The following FAM184B variants were observed in gnomAD, a reference collection of about 807,000 sequenced individuals.
FAM184B encodes the protein protein FAM184B.
In FAM184B, 111 loss-of-function variants were observed where a neutral mutation model predicts 135.9. That is an observed-to-expected ratio of 0.82 (90% CI 0.70 to 0.96). The LOEUF (loss-of-function observed/expected upper bound fraction) is 0.96, where lower values mean the gene tolerates loss of function less well. Among genes scored for constraint, FAM184B ranks in the 40% least tolerant of loss-of-function variants. The pLI, the probability that FAM184B is intolerant of heterozygous loss-of-function variation, is 0.00. For synonymous variants in FAM184B, 552 were observed against 524.8 expected (o/e 1.05, Z -0.71); for missense variants, 1,375 against 1,323.9 (o/e 1.04, Z -0.60).
Position 17,636,529 on chromosome 4 carries a change from G to C in FAM184B, c.2783C>G (p.Thr928Arg). Residue 928 changes from threonine to arginine, a missense_variant and splice_region_variant, in exon 15 of 18, where the codon ACG (threonine) becomes AGG (arginine). Thr to Arg is a moderately conservative substitution (Grantham distance 71). Transcript: ENST00000265018. ...KEREDIIKQLTEERRFHYAAF... is the reference protein window; with the variant it reads ...KEREDIIKQLREERRFHYAAF... Reference sequence around the variant, plus strand: ...TGAGGCGCCCCCTGACAGCCTCACCGTGAGCTGCTTGATGATGTCCTCTCT... The same window carrying C: ...TGAGGCGCCCCCTGACAGCCTCACCCTGAGCTGCTTGATGATGTCCTCTCT... 1.3e-6 allele frequency: 2 copies of C among 1,550,008 alleles called. No homozygotes were observed. The highest frequency in any genetic ancestry group is 1.7e-6 in the Non-Finnish European group (2 of 1,146,584).
At chr4:17,732,799 C>T (rs534041650) in intron 1 of FAM184B, among the ~76,000 whole-genome samples, 1 of 152,202 alleles carries the variant, frequency 6.6e-6, no homozygotes, top group East Asian at 1.9e-4. Context: ...CTATTCCAAT[C>T]AATAGAAAAA....
chr4:17,735,586 C>T (rs1717888424), intron 1 of FAM184B, among the ~76,000 whole-genome samples: 1 of 151,612 alleles, frequency 6.6e-6, no homozygotes, highest in Non-Finnish European at 1.5e-5. Flanking sequence ...TTCCTTAGAC[C>T]CCTGTCATTG....
intron 1 of FAM184B, among the ~76,000 whole-genome samples, chr4:17,779,165 AAC>A (rs1454970928): frequency 6.6e-6 from 1 of 152,356 alleles, no homozygotes; most frequent in African/African-American, 2.4e-5. Flanking sequence ...GTAAATGAAA[AAC>A]ACAAGATCTG....
At chr4:17,700,808 C>T (rs990980897) in intron 5 of FAM184B, among the ~76,000 whole-genome samples, 10 of 151,858 alleles carry the variant, frequency 6.6e-5, no homozygotes, top group African/African-American at 2.4e-4. Context: ...CACAGGGGAA[C>T]CAAATTAGAA....
intron 9 of FAM184B, among the ~76,000 whole-genome samples, chr4:17,659,631 C>T (rs537084998): frequency 3.0e-4 from 45 of 152,198 alleles, no homozygotes; most frequent in African/African-American, 1.0e-3. Flanking sequence ...GGATTACAGG[C>T]GCCCGCCACA....
intron 7 of FAM184B, among the ~76,000 whole-genome samples, chr4:17,669,821 C>T (rs191474205): frequency 9.9e-5 from 15 of 152,206 alleles, no homozygotes; most frequent in East Asian, 7.7e-4. Context: ...GAGGAAGATT[C>T]GAACAAGATC....
chr4:17,680,694 G>A (rs539774966), intron 7 of FAM184B, among the ~76,000 whole-genome samples: 7 of 152,222 alleles, frequency 4.6e-5, no homozygotes, highest in Non-Finnish European at 8.8e-5. Flanking sequence ...TAGTGTGCAC[G>A]GAAAAATAAA....
At chr4:17,704,975 C>G in intron 5 of FAM184B, 25 bp downstream of exon 5, 1 of 1,540,098 alleles carries the variant, frequency 6.5e-7, no homozygotes, top group Admixed American at 2.0e-5. Context: ...AGAACCAGAA[C>G]AGTCTCTATG....
intron 1 of FAM184B, among the ~76,000 whole-genome samples, chr4:17,751,306 C>CAAAA (rs71167334): frequency 4.4e-5 from 4 of 91,770 alleles, no homozygotes; most frequent in African/African-American, 9.0e-5. Context: ...GACTCTGTCT[C>CAAAA]AAAAAAAAAA....
chr4:17,729,350 G>A (rs1193503221), intron 1 of FAM184B, among the ~76,000 whole-genome samples: 1 of 152,222 alleles, frequency 6.6e-6, no homozygotes, highest in Non-Finnish European at 1.5e-5. Flanking sequence ...AAAGACAGCA[G>A]TAACCTCTGC....
chr4:17,632,605 G>T lies in FAM184B; in HGVS notation c.3110C>A (p.Ala1037Asp). 1 of 1,550,764 alleles carries T rather than the reference G, an allele frequency of 6.4e-7. No homozygotes were observed. The highest frequency in any genetic ancestry group is 8.7e-7 in the Non-Finnish European group (1 of 1,146,606). Residue 1037 changes from alanine (A) to aspartate (D), a missense_variant, in exon 18 of 18, where the codon GCC becomes GAC. Physicochemically the swap from Ala to Asp is moderately radical, Grantham distance 126 (BLOSUM62 -2). Coordinates refer to ENST00000265018, the MANE Select transcript of FAM184B (RefSeq NM_015688.2). ...TATRTPDGET[A>D]QAKEVQQKQG... Reference sequence around the variant, plus strand: ...TTTCTGCTGGACTTCTTTGGCTTGGGCCGTTTCACCATCTGGGGTCCTAAA... The same window carrying T: ...TTTCTGCTGGACTTCTTTGGCTTGGTCCGTTTCACCATCTGGGGTCCTAAA...
chr4:17,735,640 T>C (rs150349247), intron 1 of FAM184B, among the ~76,000 whole-genome samples: 127 of 150,076 alleles, frequency 8.5e-4, no homozygotes, highest in Non-Finnish European at 1.4e-3. Context: ...GGATGACAAA[T>C]ATGAAAAAGA....
chr4:17,761,031 G>A (rs1322493694), intron 1 of FAM184B, among the ~76,000 whole-genome samples: 3 of 152,212 alleles, frequency 2.0e-5, no homozygotes, highest in African/African-American at 7.2e-5. Flanking sequence ...GACATTTTTA[G>A]TTGAGGCCAG....
chr4:17,663,864 C>T (rs1715982618), intron 8 of FAM184B, among the ~76,000 whole-genome samples: 1 of 152,124 alleles, frequency 6.6e-6, no homozygotes. Flanking sequence ...AGTGAGTTTT[C>T]ATGAAATCTG....
chr4:17,759,539 G>A (rs1718496246), intron 1 of FAM184B, among the ~76,000 whole-genome samples: 1 of 151,466 alleles, frequency 6.6e-6, no homozygotes, highest in African/African-American at 2.4e-5. Flanking sequence ...GTTTTGCTCT[G>A]TCACCCAGGC....
chr4:17,688,590 G>T, intron 6 of FAM184B, 59 bp from the exon 7 acceptor site: 1 of 1,205,912 alleles, frequency 8.3e-7, no homozygotes, highest in East Asian at 3.1e-5. Flanking sequence ...CCTCGATACA[G>T]TCATTCATCC....
rs1394107166 is a variant in FAM184B, at chr4:17,658,576, A to G, written c.1825-14T>C. 1.9e-6 allele frequency: 3 copies of G among 1,548,692 alleles called. No individual in the cohort carries two copies. In the East Asian group the frequency reaches 7.3e-5, roughly 38 times the overall value. On this transcript the variant is annotated splice_polypyrimidine_tract_variant and intron_variant, in intron 9 of 17. Coordinates refer to ENST00000265018, the MANE Select transcript of FAM184B (RefSeq NM_015688.2). ...CATCTGTGAGACCTGCGCACAAGGC[A>G]TCCTGCCCTCAGTCTAAGCCCCTTG...
chr4:17,670,156 A>T (rs1716138443), intron 7 of FAM184B, among the ~76,000 whole-genome samples: 1 of 152,238 alleles, frequency 6.6e-6, no homozygotes, highest in Admixed American at 6.5e-5. Flanking sequence ...ACATACACTT[A>T]GACGGAAATT....
chr4:17,707,804 C>T lies in FAM184B; in HGVS notation c.895-20G>A. On this transcript the variant is annotated intron_variant, in intron 2 of 17. Coordinates refer to ENST00000265018, the MANE Select transcript of FAM184B (RefSeq NM_015688.2). ...CAGGTCCTAAACAGACAGGAAGGGT[C>T]CCATTTCTCTGGTTATAGCTCTGTA... is the stretch of plus-strand genomic sequence containing the variant. 1 of 1,551,710 alleles carries T rather than the reference C, an allele frequency of 6.4e-7. No individual in the cohort carries two copies. Among genetic ancestry groups the T allele is most frequent in the Non-Finnish European group, 8.7e-7 (1 of 1,146,976 alleles).
Sources: allele counts gnomAD v4.1 joint callset (sites outside exome capture counted in the v4.1 genomes callset), GRCh38; gene constraint gnomAD v4.1.1; transcripts MANE v1.5; gene names NCBI Gene and HGNC (gene_info 2026-07-23, HGNC 2026-07-21).